The following CDH11 variants were observed in gnomAD, a reference collection of about 807,000 sequenced individuals.
CDH11 encodes the protein cadherin 11, also known as cadherin-11.
A neutral mutation model predicts 67.8 loss-of-function variants in CDH11; 11 were observed. The observed-to-expected ratio is 0.16, with a 90% confidence interval of 0.10 to 0.27. The LOEUF is 0.27. Ranked by LOEUF, CDH11 falls within the 10% of genes least tolerant of loss-of-function variation. The pLI, the probability that CDH11 is intolerant of heterozygous loss-of-function variation, is 1.00. For synonymous variants in CDH11, 419 were observed against 400.0 expected (o/e 1.05, Z -0.57); for missense variants, 847 against 1,031.2 (o/e 0.82, Z 2.45).
chr16:64,949,412 G>A (rs1259554266), intron 12 of CDH11, among the ~76,000 whole-genome samples: 1 of 140,168 alleles, frequency 7.1e-6, no homozygotes, highest in Non-Finnish European at 1.5e-5. Context: ...AATGTTAGGT[G>A]CCTTTTTTTT....
At chr16:65,057,389 T>G (rs537540014) in intron 1 of CDH11, among the ~76,000 whole-genome samples, 3 of 152,296 alleles carry the variant, frequency 2.0e-5, no homozygotes, top group South Asian at 4.1e-4. Flanking sequence ...AGCCCTTCCA[T>G]CATTGTGCTT....
chr16:65,036,666 TCTA>T (rs1297708497), intron 2 of CDH11, among the ~76,000 whole-genome samples: 3 of 152,120 alleles, frequency 2.0e-5, no homozygotes, highest in African/African-American at 7.2e-5. Context: ...CGTCATATGT[TCTA>T]CTAAGACAGA....
chr16:64,947,715 G>C lies in CDH11; in HGVS notation c.2279C>G (p.Ser760Trp), dbSNP rs868547209. ...GTCCAAGTCTGAATCTGTGGTGGCCGACTCTAGGGAGCTCAGGGACCCGGC... is the reference window on the plus strand; with the variant it reads ...GTCCAAGTCTGAATCTGTGGTGGCCCACTCTAGGGAGCTCAGGGACCCGGC... The part of the protein sequence containing the change: ...SVAGSLSSLE[S>W]ATTDSDLDYD... Residue 760 changes from serine (S) to tryptophan (W), a missense_variant, in exon 13 of 13, where the codon TCG (serine) becomes TGG (tryptophan). Transcript: ENST00000268603. 1 of 1,613,988 alleles carries C rather than the reference G, an allele frequency of 6.2e-7. No homozygotes were observed. Among genetic ancestry groups the C allele is most frequent in the East Asian group, 2.2e-5 (1 of 44,870 alleles).
At chr16:65,069,620 A>AT (rs2074381061) in intron 1 of CDH11, among the ~76,000 whole-genome samples, 1 of 152,200 alleles carries the variant, frequency 6.6e-6, no homozygotes, top group Non-Finnish European at 1.5e-5. Context: ...GAACAAGCCA[A>AT]TTTATTCCAA....
chr16:65,026,668 C>A (rs560620141), intron 2 of CDH11, among the ~76,000 whole-genome samples: 12 of 152,262 alleles, frequency 7.9e-5, no homozygotes, highest in African/African-American at 2.6e-4. Context: ...ATTTCCACCT[C>A]AAACACCAGG....
intron 12 of CDH11, chr16:64,948,792 G>A (rs1796744405): frequency 5.7e-6 from 9 of 1,585,168 alleles, no homozygotes; most frequent in African/African-American, 1.3e-5. Context: ...GGCAACCTAG[G>A]AGGGGTGATC....
At chr16:65,036,769 T>C (rs2142646615) in intron 2 of CDH11, among the ~76,000 whole-genome samples, 1 of 152,258 alleles carries the variant, frequency 6.6e-6, no homozygotes, top group Non-Finnish European at 1.5e-5. Flanking sequence ...TCATAGGTAA[T>C]TAGAGTCCAG....
At chr16:65,092,117 T>A (rs1401151381) in intron 1 of CDH11, among the ~76,000 whole-genome samples, 5 of 152,168 alleles carry the variant, frequency 3.3e-5, no homozygotes, top group African/African-American at 1.2e-4. Context: ...GCCATAGTCA[T>A]AGATGGCAGG....
intron 2 of CDH11, among the ~76,000 whole-genome samples, chr16:65,037,937 G>A (rs1482756441): frequency 4.6e-5 from 7 of 152,154 alleles, no homozygotes; most frequent in Admixed American, 4.6e-4. Flanking sequence ...GATGAGGGGA[G>A]AAAGCAAATG....
chr16:65,038,870 C>T (rs769413904), intron 2 of CDH11, among the ~76,000 whole-genome samples: 1 of 152,212 alleles, frequency 6.6e-6, no homozygotes, highest in Non-Finnish European at 1.5e-5. Context: ...TGCCTCTGAT[C>T]CTATTTCACA....
At chr16:64,970,517 A>G (rs2071976142) in intron 11 of CDH11, among the ~76,000 whole-genome samples, 1 of 152,172 alleles carries the variant, frequency 6.6e-6, no homozygotes, top group South Asian at 2.1e-4. Flanking sequence ...AATAATGCCT[A>G]CCTATGGTGG....
intron 1 of CDH11, among the ~76,000 whole-genome samples, chr16:65,075,977 A>G (rs941712287): frequency 2.0e-5 from 3 of 152,158 alleles, no homozygotes. Flanking sequence ...TTCTTTTTGA[A>G]AAAGGATGTG....
chr16:65,051,401 G>GT (rs915358389), intron 2 of CDH11, among the ~76,000 whole-genome samples: 3 of 152,098 alleles, frequency 2.0e-5, no homozygotes, highest in Non-Finnish European at 4.4e-5. Context: ...TGGAGGTAAT[G>GT]TTTTTTGCCC....
chr16:64,950,824 C>A lies in CDH11; in HGVS notation c.1837G>T (p.Ala613Ser). Residue 613 changes from alanine to serine, a missense_variant, in exon 12 of 13, where the codon GCC becomes TCC. Coordinates refer to ENST00000268603, the MANE Select transcript of CDH11 (RefSeq NM_001797.4). ...ATCAGGGCGCCTGTGCTCAGGCCGGCGTTCAGAATGTAGGCCTCTGCGTTG... is the reference window on the plus strand; with the variant it reads ...ATCAGGGCGCCTGTGCTCAGGCCGGAGTTCAGAATGTAGGCCTCTGCGTTG... ...SCNAEAYILN[A>S]GLSTGALIAI... 6.2e-7 allele frequency: 1 copy of A among 1,614,158 alleles called. No individual in the cohort carries two copies. Among genetic ancestry groups the A allele is most frequent in the Non-Finnish European group, 8.5e-7 (1 of 1,180,032 alleles).
intron 1 of CDH11, among the ~76,000 whole-genome samples, chr16:65,114,320 G>A (rs1243607233): frequency 2.0e-5 from 3 of 152,124 alleles, no homozygotes. Context: ...CAGCTCTTCT[G>A]TGTCCTTCTC....
At chr16:65,004,564 C>A in intron 3 of CDH11, 78 bp downstream of exon 3, 3 of 1,453,898 alleles carry the variant, frequency 2.1e-6, no homozygotes, top group Non-Finnish European at 2.8e-6. Flanking sequence ...GCCTGTGGGC[C>A]TTTTGCTTCT....
At chr16:65,016,432 G>T (rs906734686) in intron 2 of CDH11, among the ~76,000 whole-genome samples, 11 of 152,106 alleles carry the variant, frequency 7.2e-5, no homozygotes, top group African/African-American at 2.7e-4. Flanking sequence ...ACACTTCTTA[G>T]ACAGGCAGGA....
chr16:65,097,733 A>G (rs1177523889), intron 1 of CDH11, among the ~76,000 whole-genome samples: 1 of 152,228 alleles, frequency 6.6e-6, no homozygotes, highest in Non-Finnish European at 1.5e-5. Flanking sequence ...CAGTCCTATA[A>G]CAAAGAACAG....
chr16:65,029,979 C>T (rs1191338760), intron 2 of CDH11, among the ~76,000 whole-genome samples: 1 of 152,128 alleles, frequency 6.6e-6, no homozygotes, highest in East Asian at 1.9e-4. Flanking sequence ...TCTAGCAATG[C>T]TAAGATGGGA....
Sources: allele counts gnomAD v4.1 joint callset (sites outside exome capture counted in the v4.1 genomes callset), GRCh38; gene constraint gnomAD v4.1.1; transcripts MANE v1.5; gene names NCBI Gene and HGNC (gene_info 2026-07-23, HGNC 2026-07-21).